Variants in FNBP1L observed in about 807,000 individuals in gnomAD.
FNBP1L encodes the protein formin binding protein 1 like.
In FNBP1L, 36 loss-of-function variants were observed where a neutral mutation model predicts 91.2. The ratio of observed to expected loss-of-function variants is 0.39; its 90% CI spans 0.30 to 0.52. The LOEUF is 0.52. Ranked by LOEUF, FNBP1L falls within the 20% of genes least tolerant of loss-of-function variation. The probability of loss-of-function intolerance (pLI) is 0.66; values close to 1 mark genes in which losing one functional copy is unlikely to be tolerated. For missense variants in FNBP1L, 571 were observed against 732.1 expected, an observed-to-expected ratio of 0.78 and a Z score of 2.54; for synonymous variants, 242 against 237.0, an observed-to-expected ratio of 1.02 and a Z score of -0.19.
chr1:93,540,785 GTTTATT>G (rs1401491682), intron 10 of FNBP1L, among the ~76,000 whole-genome samples: 3 of 147,208 alleles, frequency 2.0e-5, no homozygotes, highest in Non-Finnish European at 3.0e-5. Flanking sequence ...CAGGTAGAAT[GTTTATT>G]TTTAAGTTTT....
chr1:93,521,065 C>G (rs74331335), intron 2 of FNBP1L, among the ~76,000 whole-genome samples: 148,880 of 151,402 alleles, frequency 0.98, 73,235 homozygotes, highest in East Asian at 1. Context: ...ACCAACCAAC[C>G]AACCAACCAA....
intron 4 of FNBP1L, 126 bp from the exon 5 acceptor site, chr1:93,524,135 C>A: frequency 1.5e-6 from 1 of 654,664 alleles, no homozygotes; most frequent in East Asian, 3.7e-5. Context: ...TAATTAGTAC[C>A]TTGAAAAAAA....
chr1:93,527,078 T>G (rs1241891455), intron 5 of FNBP1L, among the ~76,000 whole-genome samples: 1 of 152,156 alleles, frequency 6.6e-6, no homozygotes, highest in Non-Finnish European at 1.5e-5. Flanking sequence ...CTAATCAAAA[T>G]ACCTGTACAA....
chr1:93,536,993 TGTA>T (rs1474347416), intron 10 of FNBP1L, among the ~76,000 whole-genome samples: 2 of 152,104 alleles, frequency 1.3e-5, no homozygotes, highest in Non-Finnish European at 2.9e-5. Flanking sequence ...TCAAGATTGT[TGTA>T]GATCAAATTG....
chr1:93,466,689 T>G (rs1669091281), intron 1 of FNBP1L, among the ~76,000 whole-genome samples: 1 of 152,144 alleles, frequency 6.6e-6, no homozygotes, highest in African/African-American at 2.4e-5. Context: ...GTGTGGGCTC[T>G]TTTTTTGGTT....
rs1281414466 is a variant in FNBP1L, at chr1:93,534,734, A to G, written c.816A>G (p.Lys272=). ...RDSQMVVDSF[K]SGFEPPGDFP... is the part of the protein sequence containing the mutation. Reference sequence around the variant, plus strand: ...CTCAAATGGTGGTAGACTCCTTCAAATCTGGTTTTGAACCTCCAGGAGACT... The same window carrying G: ...CTCAAATGGTGGTAGACTCCTTCAAGTCTGGTTTTGAACCTCCAGGAGACT... The change falls in exon 9 of 17, where the codon AAA becomes AAG. Residue 272 remains lysine (K), a synonymous_variant. Coordinates refer to ENST00000271234, the MANE Select transcript of FNBP1L (RefSeq NM_001164473.3). 1 of 1,571,024 alleles carries G rather than the reference A, an allele frequency of 6.4e-7. No individual in the cohort carries two copies. Among genetic ancestry groups the G allele is most frequent in the Non-Finnish European group, 8.7e-7 (1 of 1,155,538 alleles).
At chr1:93,521,060 C>T (rs1671305849) in intron 2 of FNBP1L, among the ~76,000 whole-genome samples, 1 of 150,464 alleles carries the variant, frequency 6.6e-6, no homozygotes, top group Non-Finnish European at 1.5e-5. Flanking sequence ...AACCAACCAA[C>T]CAACCAACCA....
intron 1 of FNBP1L, among the ~76,000 whole-genome samples, chr1:93,450,893 A>G (rs935576234): frequency 2.0e-5 from 3 of 152,240 alleles, no homozygotes; most frequent in African/African-American, 7.2e-5. Context: ...AAGGAATTCA[A>G]TAGAACGGCT....
At chr1:93,463,153 A>T (rs1305398366) in intron 1 of FNBP1L, among the ~76,000 whole-genome samples, 2 of 152,134 alleles carry the variant, frequency 1.3e-5, no homozygotes, top group African/African-American at 4.8e-5. Context: ...GCCATCAATA[A>T]GGATTTTCTT....
At chr1:93,542,481 G>T (rs1160308396) in intron 11 of FNBP1L, among the ~76,000 whole-genome samples, 4 of 139,818 alleles carry the variant, frequency 2.9e-5, no homozygotes, top group African/African-American at 1.0e-4. Flanking sequence ...CACTTAGGAT[G>T]CCCTACTTTT....
intron 2 of FNBP1L, among the ~76,000 whole-genome samples, chr1:93,515,102 A>G (rs1671037337): frequency 6.6e-6 from 1 of 152,262 alleles, no homozygotes; most frequent in Non-Finnish European, 1.5e-5. Context: ...AAAGTGGGTG[A>G]AGGACATTAA....
At chr1:93,490,219 T>C (rs1670048269) in intron 1 of FNBP1L, among the ~76,000 whole-genome samples, 1 of 152,188 alleles carries the variant, frequency 6.6e-6, no homozygotes, top group African/African-American at 2.4e-5. Flanking sequence ...GCAAGAAGAC[T>C]GAGTAAACAT....
At chr1:93,499,722 AATGATTAATTAAGTC>A (rs1162474203) in intron 2 of FNBP1L, 139 bp downstream of exon 2, 4 of 594,400 alleles carry the variant, frequency 6.7e-6, no homozygotes, top group Non-Finnish European at 1.2e-5. Context: ...GGTTTGTTTT[AATGATTAATTAAGTC>A]ATTGGCTAGT....
intron 1 of FNBP1L, among the ~76,000 whole-genome samples, chr1:93,496,853 A>T (rs1461321000): frequency 1.3e-5 from 2 of 152,184 alleles, no homozygotes; most frequent in Non-Finnish European, 2.9e-5. Flanking sequence ...TCATCTAAAA[A>T]ACACCTTCAC....
chr1:93,464,409 CTA>C (rs972128625), intron 1 of FNBP1L, among the ~76,000 whole-genome samples: 13 of 152,150 alleles, frequency 8.5e-5, no homozygotes, highest in African/African-American at 3.1e-4. Context: ...AAAATTGCCT[CTA>C]TGTTTCTATC....
At chr1:93,550,896 A>T (rs1445191923) in intron 15 of FNBP1L, 51 bp from the exon 16 acceptor site, 4 of 1,425,750 alleles carry the variant, frequency 2.8e-6, no homozygotes, top group African/African-American at 1.4e-5. Context: ...TAGTAACTTT[A>T]AAAAAAATTA....
At chr1:93,535,821 TAA>T (rs968276839) in intron 9 of FNBP1L, among the ~76,000 whole-genome samples, 1 of 144,024 alleles carries the variant, frequency 6.9e-6, no homozygotes. Context: ...ATACTGGAAT[TAA>T]AAAAAAAAAG....
At position 93,552,578 on chromosome 1, in the gene FNBP1L, A is replaced by G. The variant is rs770383092; in HGVS notation, c.*162A>G. ...TTTTACTAACTTCATTAGCATTTCC[A>G]TACATTGTTTTTAAAAATCATAATA... On this transcript the variant is annotated 3_prime_UTR_variant, in exon 17 of 17. Transcript: ENST00000271234. 1 of 602,324 alleles carries G rather than the reference A, an allele frequency of 1.7e-6. No homozygotes were observed. The highest frequency in any genetic ancestry group is 2.7e-6 in the Non-Finnish European group (1 of 364,552). The allele number at this position is 602,324 out of a possible 1,614,324, so 37.3% of individuals were successfully genotyped here. A position where few individuals can be genotyped will look rare whatever the true frequency, so the allele number is the denominator to read the frequency against.
intron 2 of FNBP1L, among the ~76,000 whole-genome samples, chr1:93,503,865 T>TGGA (rs1670520110): frequency 6.6e-6 from 1 of 152,202 alleles, no homozygotes; most frequent in Non-Finnish European, 1.5e-5. Context: ...TAGTTTTTTC[T>TGGA]AGTAAAAGTA....
Sources: allele counts gnomAD v4.1 joint callset (sites outside exome capture counted in the v4.1 genomes callset), GRCh38; gene constraint gnomAD v4.1.1; transcripts MANE v1.5; gene names NCBI Gene and HGNC (gene_info 2026-07-23, HGNC 2026-07-21).